CUX2: variants seen among roughly 807,000 people sequenced by gnomAD.
CUX2 encodes the protein cut like homeobox 2, also known as homeobox protein cut-like 2.
In CUX2, 40 loss-of-function variants were observed where a neutral mutation model predicts 144.8. The ratio of observed to expected loss-of-function variants is 0.28; its 90% CI spans 0.21 to 0.36. The LOEUF (loss-of-function observed/expected upper bound fraction) is 0.36, where lower values mean the gene tolerates loss of function less well. CUX2 is among the 10% of genes least tolerant of loss of function. The pLI, the probability that CUX2 is intolerant of heterozygous loss-of-function variation, is 1.00. For synonymous variants in CUX2, 827 were observed against 875.6 expected, an observed-to-expected ratio of 0.94 and a Z score of 0.98; for missense variants, 1,615 against 1,994.0, an observed-to-expected ratio of 0.81 and a Z score of 3.62.
At chr12:111,116,071 C>T (rs1240471557) in intron 1 of CUX2, among the ~76,000 whole-genome samples, 2 of 152,208 alleles carry the variant, frequency 1.3e-5, no homozygotes, top group East Asian at 3.8e-4. Flanking sequence ...CTGCCTAAGG[C>T]TTAGTTCCTG....
intron 1 of CUX2, among the ~76,000 whole-genome samples, chr12:111,091,493 G>A (rs1329688025): frequency 2.0e-5 from 3 of 152,154 alleles, no homozygotes; most frequent in Non-Finnish European, 2.9e-5. Context: ...CCTCATCCCA[G>A]TTGCCCAACT....
At position 111,102,162 on chromosome 12, in the gene CUX2, G is replaced by A. The variant is rs529846509; in HGVS notation, c.63+67922G>A. On this transcript the variant is annotated intron_variant, in intron 1 of 21. Transcript: ENST00000261726. ...TCTGGCTGGGCATGCCCGAGGCATC[G>A]TGGTATGGGTTATGGGGTGGGTGTC... Among the ~76,000 whole-genome samples the A allele has an allele frequency of 1.4e-4, 21 of 152,272 alleles. No individual in the cohort carries two copies. In the South Asian group the frequency reaches 3.7e-3, roughly 27 times the overall value.
intron 3 of CUX2, among the ~76,000 whole-genome samples, chr12:111,226,675 G>A (rs551993634): frequency 6.6e-6 from 1 of 152,092 alleles, no homozygotes; most frequent in African/African-American, 2.4e-5. Flanking sequence ...GAATTCTCGC[G>A]CTTTATTTTT....
At chr12:111,225,800 C>T (rs750424248) in intron 3 of CUX2, among the ~76,000 whole-genome samples, 5 of 152,312 alleles carry the variant, frequency 3.3e-5, no homozygotes, top group South Asian at 4.2e-4. Flanking sequence ...GAAAGCCCGC[C>T]GCATACAAAG....
intron 3 of CUX2, among the ~76,000 whole-genome samples, chr12:111,230,251 A>C (rs1882399117): frequency 6.6e-6 from 1 of 151,876 alleles, no homozygotes; most frequent in African/African-American, 2.4e-5. Flanking sequence ...AAGAGGTGAA[A>C]GGAAAAAGAG....
chr12:111,138,182 C>G (rs1447150857), intron 1 of CUX2, among the ~76,000 whole-genome samples: 2 of 152,242 alleles, frequency 1.3e-5, no homozygotes, highest in Admixed American at 6.5e-5. Flanking sequence ...TCTCGCTCCA[C>G]GCACAGATGT....
rs1418789747 is a variant in CUX2, at chr12:111,295,224, A to C, written c.561-109A>C. On this transcript the variant is annotated intron_variant, in intron 6 of 21. Coordinates refer to ENST00000261726, the MANE Select transcript of CUX2 (RefSeq NM_015267.4). The surrounding 1 kb of genome is among the most constrained non-coding windows in gnomAD (Gnocchi z 5.0). ...AGGACTTGCAGAAAGACAGAGGTGC[A>C]GGTTACAGGGAGTGGGCAAGGGGTA... is the stretch of plus-strand genomic sequence containing the variant. 2.5e-6 allele frequency: 2 copies of C among 805,982 alleles called. No homozygotes were observed. The highest frequency in any genetic ancestry group is 3.6e-5 in the African/African-American group (2 of 56,280). 49.9% of individuals were successfully genotyped at this position (805,982 alleles called of 1,614,324 possible). A position where few individuals can be genotyped will look rare whatever the true frequency, so the allele number is the denominator to read the frequency against.
intron 1 of CUX2, among the ~76,000 whole-genome samples, chr12:111,150,391 T>A (rs1876960775): frequency 1.3e-5 from 2 of 152,346 alleles, no homozygotes; most frequent in South Asian, 4.1e-4. Flanking sequence ...CAAACACACA[T>A]GCCCCTCTTG....
At chr12:111,157,065 A>T (rs1202782536) in intron 1 of CUX2, among the ~76,000 whole-genome samples, 1 of 151,506 alleles carries the variant, frequency 6.6e-6, no homozygotes, top group Non-Finnish European at 1.5e-5. Context: ...ATGAAAGAAA[A>T]TAAGCTGATC....
chr12:111,322,204 A>G lies in CUX2; in HGVS notation c.2767-217A>G, dbSNP rs938816003. ...GTGCACCAGCCTGGTACAAGTCCCAACTACTAAGGAGGCTGAGGCAGGAGA... is the reference window on the plus strand; with the variant it reads ...GTGCACCAGCCTGGTACAAGTCCCAGCTACTAAGGAGGCTGAGGCAGGAGA... On this transcript the variant is annotated intron_variant, in intron 17 of 21. Transcript: ENST00000261726. This position sits in a 1 kb window ranked among gnomAD's most constrained non-coding sequence, Gnocchi z 4.2. Among the ~76,000 whole-genome samples, 1 of 151,704 alleles carries G rather than the reference A, an allele frequency of 6.6e-6. No individual in the cohort carries two copies. The highest frequency in any genetic ancestry group is 1.5e-5 in the Non-Finnish European group (1 of 67,896).
intron 1 of CUX2, among the ~76,000 whole-genome samples, chr12:111,152,911 C>T (rs1372474789): frequency 1.3e-5 from 2 of 152,188 alleles, no homozygotes; most frequent in Admixed American, 1.3e-4. Flanking sequence ...TTCTGGGAAA[C>T]AGAACCAAAG....
intron 4 of CUX2, among the ~76,000 whole-genome samples, chr12:111,266,099 C>G (rs969417521): frequency 7.9e-5 from 12 of 152,130 alleles, no homozygotes; most frequent in African/African-American, 2.7e-4. Context: ...GAAAATAAGT[C>G]TTTGCAGATG....
At chr12:111,195,902 G>A (rs1457687190) in intron 1 of CUX2, among the ~76,000 whole-genome samples, 4 of 151,960 alleles carry the variant, frequency 2.6e-5, no homozygotes, top group Non-Finnish European at 5.9e-5. Flanking sequence ...TATTATACAT[G>A]TACAACACAA....
rs374728777 is a variant in CUX2 at position 111,176,607 on chromosome 12, G to A, written c.64-37593G>A. On this transcript the variant is annotated intron_variant, in intron 1 of 21. Coordinates refer to ENST00000261726, the MANE Select transcript of CUX2 (RefSeq NM_015267.4). ...TCCTGGGGACTTTATTCAGTGCCAG[G>A]TTTGGATGGGGAAAAAAAGGTTGTT... 2.4e-4 allele frequency among the ~76,000 whole-genome samples: 37 copies of A among 152,284 alleles called. 1 individual carries two copies. In the East Asian group the frequency reaches 6.9e-3, roughly 29 times the overall value.
intron 20 of CUX2, among the ~76,000 whole-genome samples, chr12:111,339,351 G>A (rs1888487450): frequency 6.6e-6 from 1 of 152,090 alleles, no homozygotes; most frequent in African/African-American, 2.4e-5. Flanking sequence ...AAAACTCTGT[G>A]TACCTCCCTC....
intron 3 of CUX2, among the ~76,000 whole-genome samples, chr12:111,247,207 C>G (rs779349497): frequency 3.9e-5 from 6 of 152,106 alleles, no homozygotes; most frequent in Non-Finnish European, 7.3e-5. Flanking sequence ...GAGCACCGCA[C>G]GTGGAAAGTT....
chr12:111,156,934 C>T (rs1240517388), intron 1 of CUX2, among the ~76,000 whole-genome samples: 3 of 119,574 alleles, frequency 2.5e-5, no homozygotes, highest in Non-Finnish European at 4.7e-5. Context: ...TGCAGTGAGC[C>T]AAGATTGTGC....
intron 18 of CUX2, among the ~76,000 whole-genome samples, chr12:111,325,335 G>A (rs74495428): frequency 0.038 from 5,813 of 151,746 alleles, 174 homozygotes; most frequent in African/African-American, 0.075. Context: ...GCTAATGACC[G>A]CTGCCACTTA....
intron 3 of CUX2, among the ~76,000 whole-genome samples, chr12:111,223,135 C>CTA (rs1474428028): frequency 6.6e-6 from 1 of 152,138 alleles, no homozygotes; most frequent in Admixed American, 6.5e-5. Flanking sequence ...GGAGAACCTT[C>CTA]TATGTCCCAG....
Sources: gnomAD v4.1 joint callset for allele counts (sites outside exome capture counted in the v4.1 genomes callset) on GRCh38, gnomAD v4.1.1 for gene constraint, Gnocchi (gnomAD v3.1) non-coding constraint, MANE v1.5 for transcripts, NCBI Gene and HGNC (gene_info 2026-07-23, HGNC 2026-07-21) for gene names.